XKR6: variants seen among roughly 807,000 people sequenced by gnomAD.
The protein encoded by XKR6 is XK-related protein 6.
Under a neutral mutation model 56.7 loss-of-function variants are expected in XKR6, and 22 were observed. That is an observed-to-expected ratio of 0.39 (90% confidence interval 0.28 to 0.55). The LOEUF is 0.55. XKR6 is among the 20% of genes least tolerant of loss of function. The pLI, the probability that XKR6 is intolerant of heterozygous loss-of-function variation, is 0.66. For missense variants in XKR6, 852 were observed against 889.0 expected, an observed-to-expected ratio of 0.96 and a Z score of 0.53; for synonymous variants, 524 against 387.8, an observed-to-expected ratio of 1.35 and a Z score of -4.13.
At chr8:11,175,538 A>C (rs1802612450) in intron 1 of XKR6, 2 of 152,394 alleles carry the variant, frequency 1.3e-5, no homozygotes, top group Non-Finnish European at 2.9e-5. Flanking sequence ...ACCTGAGAAG[A>C]AACTGAAGAA....
intron 1 of XKR6, among the ~76,000 whole-genome samples, chr8:11,097,807 CAAAAAAAA>C (rs1196874380): frequency 3.2e-5 from 2 of 62,966 alleles, no homozygotes; most frequent in East Asian, 5.2e-4. Flanking sequence ...GACTCCATCT[CAAAAAAAA>C]AAAAAAAAAA....
At chr8:10,928,186 C>T (rs1408450334) in intron 1 of XKR6, among the ~76,000 whole-genome samples, 1 of 152,220 alleles carries the variant, frequency 6.6e-6, no homozygotes, top group Non-Finnish European at 1.5e-5. Context: ...GCCTCAGTCA[C>T]TCAGTGCTGT....
chr8:11,076,403 C>T (rs962162871), intron 1 of XKR6, among the ~76,000 whole-genome samples: 3 of 152,202 alleles, frequency 2.0e-5, no homozygotes, highest in South Asian at 2.1e-4. Context: ...CCATATTTTA[C>T]GATCGTGACT....
intron 1 of XKR6, among the ~76,000 whole-genome samples, chr8:11,030,442 G>A (rs958411355): frequency 2.6e-5 from 4 of 152,214 alleles, no homozygotes; most frequent in African/African-American, 9.6e-5. Context: ...CAGTGAGGAG[G>A]TGTCCAGCAA....
chr8:11,069,145 T>A (rs1800054110), intron 1 of XKR6, among the ~76,000 whole-genome samples: 1 of 151,718 alleles, frequency 6.6e-6, no homozygotes, highest in Non-Finnish European at 1.5e-5. Context: ...CCCAGAAACA[T>A]GGCCCTAGGA....
At position 11,046,269 on chromosome 8, in the gene XKR6, AC is replaced by A. The variant is rs1799408513; in HGVS notation, c.765-121440del. Reference sequence around the variant, plus strand: ...ACAAAAATTAGCTGGGCATGGTGGCACGTGCCTGTAATCCCGGCTACTCAGG... The same window carrying A: ...ACAAAAATTAGCTGGGCATGGTGGCAGTGCCTGTAATCCCGGCTACTCAGG... On this transcript the variant is annotated intron_variant, in intron 1 of 2. Transcript: ENST00000416569. Among the ~76,000 whole-genome samples, 8 of 152,198 alleles carry A rather than the reference AC, an allele frequency of 5.3e-5. No individual in the cohort carries two copies. The South Asian group carries it at 1.7e-3, about 32-fold the overall frequency.
intron 1 of XKR6, among the ~76,000 whole-genome samples, chr8:11,013,137 A>C (rs954257864): frequency 6.6e-6 from 1 of 152,204 alleles, no homozygotes; most frequent in African/African-American, 2.4e-5. Flanking sequence ...TTAAGCCCTT[A>C]ACACCATGAG....
chr8:11,097,754 C>A (rs1388127834), intron 1 of XKR6, among the ~76,000 whole-genome samples: 1 of 142,340 alleles, frequency 7.0e-6, no homozygotes, highest in South Asian at 2.2e-4. Context: ...CTGCAGTGAG[C>A]CAAGATCACG....
At chr8:11,007,503 C>A (rs1056031574) in intron 1 of XKR6, among the ~76,000 whole-genome samples, 8 of 152,180 alleles carry the variant, frequency 5.3e-5, no homozygotes, top group Non-Finnish European at 1.0e-4. Flanking sequence ...GACGAAGAAA[C>A]ACAGCCAGTA....
chr8:11,086,449 C>T (rs142774351), intron 1 of XKR6, among the ~76,000 whole-genome samples: 61 of 152,260 alleles, frequency 4.0e-4, no homozygotes, highest in African/African-American at 1.3e-3. Context: ...AACACGGAGA[C>T]GCTCATCAGC....
intron 1 of XKR6, among the ~76,000 whole-genome samples, chr8:11,170,043 C>G (rs1364019904): frequency 6.6e-6 from 1 of 152,096 alleles, no homozygotes; most frequent in Admixed American, 6.5e-5. Flanking sequence ...CTGGATCTGA[C>G]GTTAGATCTA....
intron 1 of XKR6, among the ~76,000 whole-genome samples, chr8:11,150,413 T>C (rs1801216564): frequency 6.6e-6 from 1 of 152,192 alleles, no homozygotes; most frequent in South Asian, 2.1e-4. Context: ...GCATAAGCCA[T>C]TTGTAGAAAA....
intron 1 of XKR6, among the ~76,000 whole-genome samples, chr8:11,102,971 A>G (rs1554458756): frequency 6.6e-6 from 1 of 152,216 alleles, no homozygotes; most frequent in Non-Finnish European, 1.5e-5. Flanking sequence ...CCAGGCACAC[A>G]AAGATTAGAG....
At chr8:10,960,100 T>C (rs565780922) in intron 1 of XKR6, among the ~76,000 whole-genome samples, 4 of 152,292 alleles carry the variant, frequency 2.6e-5, no homozygotes, top group Non-Finnish European at 5.9e-5. Flanking sequence ...AACTGCCCCA[T>C]TAAAGATCTC....
intron 1 of XKR6, among the ~76,000 whole-genome samples, chr8:11,071,175 C>G (rs1378590110): frequency 6.6e-6 from 1 of 152,186 alleles, no homozygotes; most frequent in East Asian, 1.9e-4. Context: ...GAGGTCTCAG[C>G]CCAGGCACAG....
At chr8:11,064,066 TTGGGTTCTCTC>T (rs1799916890) in intron 1 of XKR6, among the ~76,000 whole-genome samples, 1 of 152,214 alleles carries the variant, frequency 6.6e-6, no homozygotes, top group Non-Finnish European at 1.5e-5. Context: ...TCTACTGCGT[TTGGGTTCTCTC>T]TCTTTCATGT....
intron 1 of XKR6, among the ~76,000 whole-genome samples, chr8:11,027,471 A>G (rs1798895801): frequency 6.6e-6 from 1 of 152,236 alleles, no homozygotes; most frequent in Non-Finnish European, 1.5e-5. Flanking sequence ...ATGCAGATCT[A>G]GAGCATTCAT....
intron 2 of XKR6, 61 bp downstream of exon 2, chr8:10,924,573 G>A (rs890544363): frequency 1.7e-4 from 267 of 1,548,822 alleles, no homozygotes; most frequent in Middle Eastern, 2.4e-4. Flanking sequence ...TGTGGGAGGC[G>A]GCCGTGGTCC....
chr8:10,972,559 T>C (rs1163943581), intron 1 of XKR6, among the ~76,000 whole-genome samples: 2 of 152,200 alleles, frequency 1.3e-5, no homozygotes, highest in East Asian at 1.9e-4. Context: ...TGACATGAGC[T>C]ACAACATGGG....
Sources: allele counts gnomAD v4.1 joint callset (sites outside exome capture counted in the v4.1 genomes callset), GRCh38; gene constraint gnomAD v4.1.1; transcripts MANE v1.5; gene names NCBI Gene and HGNC (gene_info 2026-07-23, HGNC 2026-07-21).